PCDHA4: variants seen among roughly 807,000 people sequenced by gnomAD.
PCDHA4 encodes the protein protocadherin alpha-4.
Under a neutral mutation model 61.4 loss-of-function variants are expected in PCDHA4, and 49 were observed. The ratio of observed to expected loss-of-function variants is 0.80; its 90% CI spans 0.63 to 1.01. The LOEUF (loss-of-function observed/expected upper bound fraction) is 1.01. Among genes scored for constraint, PCDHA4 ranks in the 50% least tolerant of loss-of-function variants. PCDHA4 has a pLI of 0.00. For missense variants in PCDHA4, 1,254 were observed against 1,235.8 expected (o/e 1.01, Z -0.22); for synonymous variants, 590 against 550.3 (o/e 1.07, Z -1.01).
chr5:140,926,997 C>T (rs782110120), intron 1 of PCDHA4: 3 of 1,612,104 alleles, frequency 1.9e-6, no homozygotes, highest in Admixed American at 3.3e-5. Context: ...GGGGCGTAGC[C>T]GTAGGCAATC....
At chr5:140,850,305 A>T in intron 1 of PCDHA4, 1 of 1,596,974 alleles carries the variant, frequency 6.3e-7, no homozygotes, top group African/African-American at 1.3e-5. Flanking sequence ...CTCGGGCTAC[A>T]ACGCGTGGCT....
chr5:140,842,799 C>T lies in PCDHA4; in HGVS notation c.2385+33227C>T, dbSNP rs2150344737. ...CAGGAGAACGCGCTGGTGTCCTACT[C>T]GCTTGTGGAGCGGCGGGTGGGCGAG... On this transcript the variant is annotated intron_variant, in intron 1 of 3. Coordinates refer to ENST00000530339, the MANE Select transcript of PCDHA4 (RefSeq NM_018907.4). 1.6e-5 allele frequency: 25 copies of T among 1,594,312 alleles called. 3 individuals carry two copies. Among genetic ancestry groups the T allele is most frequent in the Non-Finnish European group, 1.7e-5 (20 of 1,165,456 alleles).
At chr5:140,905,197 T>A (rs2071673542) in intron 1 of PCDHA4, among the ~76,000 whole-genome samples, 1 of 152,220 alleles carries the variant, frequency 6.6e-6, no homozygotes. Flanking sequence ...TTGATCCATC[T>A]TGAGTTGATT....
At chr5:140,864,945 C>G (rs2048665503) in intron 1 of PCDHA4, 1 of 152,120 alleles carries the variant, frequency 6.6e-6, no homozygotes, top group Non-Finnish European at 1.5e-5. Flanking sequence ...GGCCTGTAAT[C>G]CCAGCATTTT....
chr5:140,943,823 G>A (rs1431339857), intron 1 of PCDHA4, among the ~76,000 whole-genome samples: 3 of 152,206 alleles, frequency 2.0e-5, no homozygotes, highest in African/African-American at 7.2e-5. Flanking sequence ...AAGAAAATGA[G>A]TTGATTGAAG....
chr5:140,881,886 C>G (rs2058857922), intron 1 of PCDHA4, among the ~76,000 whole-genome samples: 1 of 152,170 alleles, frequency 6.6e-6, no homozygotes, highest in African/African-American at 2.4e-5. Flanking sequence ...AACTCATCAA[C>G]CAATTGTCAG....
intron 1 of PCDHA4, chr5:140,869,581 G>A: frequency 1.9e-6 from 3 of 1,614,134 alleles, no homozygotes; most frequent in East Asian, 2.2e-5. Flanking sequence ...AGCTTCTGAT[G>A]CTGACATTGA....
chr5:140,928,291 G>A (rs62384489), intron 1 of PCDHA4: 1 of 1,614,142 alleles, frequency 6.2e-7, no homozygotes, highest in Non-Finnish European at 8.5e-7. Context: ...TCTAGGCCGA[G>A]TGTTTGCCCA....
intron 1 of PCDHA4, chr5:140,877,704 C>A: frequency 6.2e-7 from 1 of 1,613,954 alleles, no homozygotes; most frequent in Non-Finnish European, 8.5e-7. Context: ...GCTCCAGCGC[C>A]GTGGGGAGTT....
chr5:140,969,184 C>A (rs1381646688), intron 1 of PCDHA4: 1 of 1,613,998 alleles, frequency 6.2e-7, no homozygotes, highest in Non-Finnish European at 8.5e-7. Flanking sequence ...GTGACACTTT[C>A]ATGTTTTACA....
chr5:140,911,884 C>A (rs1283685498), intron 1 of PCDHA4, among the ~76,000 whole-genome samples: 1 of 152,050 alleles, frequency 6.6e-6, no homozygotes, highest in Non-Finnish European at 1.5e-5. Flanking sequence ...CTCCTGGGAC[C>A]AAAATCTGTA....
chr5:140,853,347 T>A, intron 1 of PCDHA4: 1 of 983,892 alleles, frequency 1.0e-6, no homozygotes. Context: ...TTAGCAAACA[T>A]GAACTCACAG....
intron 1 of PCDHA4, chr5:140,859,133 A>C (rs1196792734): frequency 6.7e-6 from 1 of 150,106 alleles, no homozygotes; most frequent in Non-Finnish European, 1.5e-5. Flanking sequence ...TTTTATTTAC[A>C]TAATTTTATC....
At chr5:140,960,299 A>G (rs246005) in intron 1 of PCDHA4, among the ~76,000 whole-genome samples, 1 of 151,808 alleles carries the variant, frequency 6.6e-6, no homozygotes. Flanking sequence ...TTTCTTCATC[A>G]ATACCAACCT....
chr5:140,830,320 C>CG (rs2150184981), intron 1 of PCDHA4: 1 of 1,613,990 alleles, frequency 6.2e-7, no homozygotes, highest in Non-Finnish European at 8.5e-7. Context: ...TGTGCTCCAG[C>CG]GCAGTGGGGA....
chr5:140,882,814 A>AGT, intron 1 of PCDHA4: 3 of 1,614,248 alleles, frequency 1.9e-6, no homozygotes, highest in Non-Finnish European at 2.5e-6. Context: ...CTTTGGACGC[A>AGT]CAAAACAGTC....
At chr5:140,870,442 G>C (rs1562644426) in intron 1 of PCDHA4, 2 of 1,614,236 alleles carry the variant, frequency 1.2e-6, no homozygotes, top group Non-Finnish European at 1.7e-6. Context: ...GGTGGCCGAC[G>C]TGAACGACAA....
At position 140,809,159 on chromosome 5, in the gene PCDHA4, G is replaced by A. The variant is rs146303235; in HGVS notation, c.1972G>A (p.Ala658Thr). 26 of 1,613,942 alleles carry A rather than the reference G, an allele frequency of 1.6e-5. No homozygotes were observed. Among genetic ancestry groups the A allele is most frequent in the Non-Finnish European group, 2.1e-5 (25 of 1,179,928 alleles). Residue 658 changes from alanine to threonine, a missense_variant, in exon 1 of 4, where the codon GCG becomes ACG. Ala to Thr is a moderately conservative substitution (Grantham distance 58). Transcript: ENST00000530339. ...LVLVKDHGEP[A>T]LTATATVLVS... ...ACTGGTGAAGGACCACGGCGAGCCC[G>A]CGCTGACGGCCACGGCCACTGTGCT...
chr5:140,878,125 A>T (rs1286133298), intron 1 of PCDHA4: 1 of 214,326 alleles, frequency 4.7e-6, no homozygotes, highest in Non-Finnish European at 9.0e-6. Flanking sequence ...ATATTAGATT[A>T]AAAAGTGGCC....
Sources: allele counts gnomAD v4.1 joint callset (sites outside exome capture counted in the v4.1 genomes callset), GRCh38; gene constraint gnomAD v4.1.1; transcripts MANE v1.5; gene names NCBI Gene and HGNC (gene_info 2026-07-23, HGNC 2026-07-21).